TUT7: variants seen among roughly 807,000 people sequenced by gnomAD.
The protein encoded by TUT7 is terminal uridylyl transferase 7, also known as terminal uridylyltransferase 7.
A neutral mutation model predicts 165.9 loss-of-function variants in TUT7; 33 were observed. The observed-to-expected ratio is 0.20, with a 90% CI of 0.15 to 0.27. The LOEUF (loss-of-function observed/expected upper bound fraction) is 0.27. TUT7 is among the 10% of genes least tolerant of loss of function. The pLI is 1.00. For missense variants in TUT7, 1,338 were observed against 1,762.3 expected, an observed-to-expected ratio of 0.76 and a Z score of 4.31; for synonymous variants, 552 against 608.1, an observed-to-expected ratio of 0.91 and a Z score of 1.36.
At position 86,316,073 on chromosome 9, in the gene TUT7, C is replaced by T. The variant is rs181312269; in HGVS notation, c.3274+1146G>A. 4.6e-5 allele frequency among the ~76,000 whole-genome samples: 7 copies of T among 152,178 alleles called. No homozygotes were observed. In the East Asian group the frequency reaches 9.7e-4, roughly 21 times the overall value. On this transcript the variant is annotated intron_variant, in intron 17 of 26. Coordinates refer to ENST00000375963, the MANE Select transcript of TUT7 (RefSeq NM_024617.4). ...ATGGACAGACCATGGATTTTAAGTT[C>T]CTGAGGATAGGGGCCATATATTGTT...
intron 17 of TUT7, among the ~76,000 whole-genome samples, chr9:86,315,299 C>G (rs1263841783): frequency 1.3e-5 from 2 of 152,222 alleles, no homozygotes; most frequent in Admixed American, 6.5e-5. Context: ...ATCTGTGTGC[C>G]TAAGTCATTT....
chr9:86,321,900 A>C (rs979892805), intron 14 of TUT7, among the ~76,000 whole-genome samples: 2 of 152,040 alleles, frequency 1.3e-5, no homozygotes, highest in Non-Finnish European at 2.9e-5. Flanking sequence ...ACACAGGGAA[A>C]CTGTGTCTCT....
At chr9:86,331,381 G>C (rs1830298641) in intron 10 of TUT7, among the ~76,000 whole-genome samples, 1 of 152,202 alleles carries the variant, frequency 6.6e-6, no homozygotes, top group Non-Finnish European at 1.5e-5. Context: ...CGGTTGATAT[G>C]ATGTATCAGT....
Position 86,322,345 on chromosome 9 carries a change from T to C in TUT7, c.3008A>G (p.Gln1003Arg). ...LTPKFLNILD[Q>R]VCIQCYKDFS... ...CTTACTATAACACTGGATACAGACT[T>C]GATCTAAGATATTTAAAAACTTGGG... The change falls in exon 14 of 27, where the codon CAA becomes CGA. Residue 1003 changes from glutamine (Q) to arginine (R), a missense_variant. Around this residue, in one of 7 missense-constraint regions of TUT7, gnomAD observed 425 missense variants for 474.9 expected, o/e 0.89. Transcript: ENST00000375963. 6.2e-7 allele frequency: 1 copy of C among 1,613,956 alleles called. No homozygotes were observed. Among genetic ancestry groups the C allele is most frequent in the Non-Finnish European group, 8.5e-7 (1 of 1,179,874 alleles).
chr9:86,353,306 C>T (rs1224635377), intron 1 of TUT7, 76 bp from the exon 2 acceptor site: 2 of 1,209,118 alleles, frequency 1.7e-6, no homozygotes, highest in Admixed American at 2.7e-5. Flanking sequence ...AACAATTTAT[C>T]GTACAGATGC....
intron 26 of TUT7, 82 bp downstream of exon 26, chr9:86,301,194 A>C (rs1161699667): frequency 1.6e-6 from 2 of 1,228,748 alleles, no homozygotes; most frequent in African/African-American, 1.5e-5. Flanking sequence ...AAATAAAGAT[A>C]ACTAAAATAG....
chr9:86,294,866 T>TAA (rs35204661), intron 26 of TUT7, among the ~76,000 whole-genome samples: 1 of 144,530 alleles, frequency 6.9e-6, no homozygotes, highest in African/African-American at 2.5e-5. Flanking sequence ...GCATTAGGTA[T>TAA]AAAAAAAAAA....
At chr9:86,300,423 G>A (rs1341827833) in intron 26 of TUT7, among the ~76,000 whole-genome samples, 1 of 152,164 alleles carries the variant, frequency 6.6e-6, no homozygotes, top group African/African-American at 2.4e-5. Context: ...TGAGGATAGC[G>A]ACAGGATTGA....
chr9:86,352,942 T>C lies in TUT7; in HGVS notation c.258A>G (p.Gln86=), dbSNP rs761678664. 7.4e-6 allele frequency: 12 copies of C among 1,614,034 alleles called. No homozygotes were observed. The highest frequency in any genetic ancestry group is 5.5e-5 in the South Asian group (5 of 91,082). ...TGTGGCTGTCATTCATCCAAGCGGGTTGACTGTAGATTGGGTTTTTAAATG... is the reference window on the plus strand; with the variant it reads ...TGTGGCTGTCATTCATCCAAGCGGGCTGACTGTAGATTGGGTTTTTAAATG... ...PYAFKNPIYS[Q]PAWMNDSHKD... The change falls in exon 2 of 27, where the codon CAA becomes CAG. Residue 86 remains glutamine, a synonymous_variant. Transcript: ENST00000375963.
intron 1 of TUT7, 82 bp from the exon 2 acceptor site, chr9:86,353,312 G>A: frequency 1.7e-6 from 2 of 1,170,664 alleles, no homozygotes; most frequent in South Asian, 1.7e-5. Flanking sequence ...TTATCGTACA[G>A]ATGCCCCAAA....
At chr9:86,330,915 T>G (rs1483377083) in intron 10 of TUT7, among the ~76,000 whole-genome samples, 3 of 151,734 alleles carry the variant, frequency 2.0e-5, no homozygotes, top group Non-Finnish European at 4.4e-5. Context: ...TGCTCTGTTT[T>G]CTAGACTGGA....
intron 14 of TUT7, among the ~76,000 whole-genome samples, chr9:86,321,254 G>C (rs1829265309): frequency 6.6e-6 from 1 of 152,004 alleles, no homozygotes; most frequent in African/African-American, 2.4e-5. Flanking sequence ...CTACTCAGGA[G>C]GCTGAGGCAG....
At chr9:86,349,543 A>G (rs1832087971) in intron 2 of TUT7, among the ~76,000 whole-genome samples, 1 of 152,154 alleles carries the variant, frequency 6.6e-6, no homozygotes, top group African/African-American at 2.4e-5. Flanking sequence ...AGAGCTGAAA[A>G]AAACAGAAGG....
chr9:86,308,229 AT>A (rs562053182), intron 22 of TUT7, among the ~76,000 whole-genome samples, 199 bp downstream of exon 22: 139 of 152,204 alleles, frequency 9.1e-4, no homozygotes, highest in African/African-American at 3.2e-3. Context: ...ATAGCAAAAA[AT>A]TTGTCATGGT....
At chr9:86,325,290 T>C in intron 12 of TUT7, 44 bp downstream of exon 12, 1 of 1,575,252 alleles carries the variant, frequency 6.3e-7, no homozygotes, top group Non-Finnish European at 8.7e-7. Flanking sequence ...CTGGTACCTT[T>C]AAAAAAAAGA....
chr9:86,309,101 A>G, intron 21 of TUT7, 111 bp downstream of exon 21: 2 of 677,252 alleles, frequency 3.0e-6, no homozygotes, highest in Non-Finnish European at 5.1e-6. Flanking sequence ...TTTTACTATC[A>G]TAAGATATAT....
chr9:86,295,413 G>A (rs1318092933), intron 26 of TUT7, among the ~76,000 whole-genome samples: 8 of 151,986 alleles, frequency 5.3e-5, no homozygotes, highest in African/African-American at 1.9e-4. Flanking sequence ...CTTTAAAAAT[G>A]TACAAGGAAA....
intron 22 of TUT7, among the ~76,000 whole-genome samples, chr9:86,308,180 A>G (rs1041947981): frequency 6.6e-6 from 1 of 152,176 alleles, no homozygotes; most frequent in African/African-American, 2.4e-5. Context: ...AAGCTGCCTT[A>G]TCACTACTGC....
At chr9:86,334,841 T>C (rs1175151159) in intron 10 of TUT7, among the ~76,000 whole-genome samples, 1 of 152,158 alleles carries the variant, frequency 6.6e-6, no homozygotes, top group African/African-American at 2.4e-5. Context: ...GGAAGAGGAC[T>C]GATTTTTGTC....
Sources: allele counts gnomAD v4.1 joint callset (sites outside exome capture counted in the v4.1 genomes callset), GRCh38; gene constraint gnomAD v4.1.1; regional missense constraint gnomAD v4.1.1; transcripts MANE v1.5; gene names NCBI Gene and HGNC (gene_info 2026-07-23, HGNC 2026-07-21).